Variants in AXDND1 observed in about 807,000 individuals in gnomAD.
AXDND1 encodes axonemal dynein light chain domain-containing protein 1.
In AXDND1, 110 loss-of-function variants were observed where a neutral mutation model predicts 137.5. The ratio of observed to expected loss-of-function variants is 0.80; its 90% CI spans 0.69 to 0.94. The LOEUF is 0.94. Among genes scored for constraint, AXDND1 ranks in the 40% least tolerant of loss-of-function variants. The pLI, the probability that AXDND1 is intolerant of heterozygous loss-of-function variation, is 0.00. For missense variants in AXDND1, 1,191 were observed against 1,169.8 expected (o/e 1.02, Z -0.26); for synonymous variants, 414 against 399.7 (o/e 1.04, Z -0.43).
chr1:179,448,026 T>C (rs1280956547), intron 16 of AXDND1: 4 of 1,373,010 alleles, frequency 2.9e-6, no homozygotes, highest in Non-Finnish European at 4.1e-6. Context: ...TCACTGGAAC[T>C]GTGACAGACA....
At chr1:179,402,119 C>T (rs950820779) in intron 11 of AXDND1, among the ~76,000 whole-genome samples, 1 of 150,612 alleles carries the variant, frequency 6.6e-6, no homozygotes, top group Admixed American at 6.7e-5. Flanking sequence ...TTGCAGTGAG[C>T]CGACATCATG....
At chr1:179,528,546 G>A (rs1670755626) in intron 23 of AXDND1, 115 bp downstream of exon 23, 5 of 441,388 alleles carry the variant, frequency 1.1e-5, no homozygotes, top group Non-Finnish European at 1.9e-5. Context: ...CCTAAGTCAT[G>A]TATTTTACAG....
At chr1:179,422,903 A>G (rs771424019) in intron 12 of AXDND1, among the ~76,000 whole-genome samples, 29 of 152,080 alleles carry the variant, frequency 1.9e-4, no homozygotes, top group Non-Finnish European at 3.7e-4. Flanking sequence ...AGCTGGGATT[A>G]CAGGTACCTG....
At chr1:179,463,451 A>G (rs1464342744) in intron 16 of AXDND1, among the ~76,000 whole-genome samples, 1 of 152,134 alleles carries the variant, frequency 6.6e-6, no homozygotes, top group Non-Finnish European at 1.5e-5. Context: ...CTTAATCCTG[A>G]GTTCTAGTTT....
intron 4 of AXDND1, among the ~76,000 whole-genome samples, chr1:179,375,927 T>C (rs1455019056): frequency 1.3e-5 from 2 of 152,164 alleles, no homozygotes; most frequent in African/African-American, 4.8e-5. Flanking sequence ...AAAATAGTTA[T>C]GGTCCATGTT....
At chr1:179,442,016 C>T (rs1659059154) in intron 15 of AXDND1, among the ~76,000 whole-genome samples, 1 of 152,126 alleles carries the variant, frequency 6.6e-6, no homozygotes, top group Non-Finnish European at 1.5e-5. Context: ...ACTTTTAATT[C>T]CTTTAACAAC....
chr1:179,493,213 A>G (rs1402758076), intron 20 of AXDND1, among the ~76,000 whole-genome samples: 2 of 151,844 alleles, frequency 1.3e-5, no homozygotes, highest in Non-Finnish European at 1.5e-5. Context: ...ACTAACACCA[A>G]AGATTTTTTT....
intron 25 of AXDND1, among the ~76,000 whole-genome samples, chr1:179,538,582 T>C (rs573823804): frequency 1.4e-4 from 22 of 152,346 alleles, no homozygotes; most frequent in African/African-American, 4.6e-4. Context: ...TCTGCTCTTT[T>C]ATATTTGCTG....
chr1:179,513,040 G>C lies in AXDND1; in HGVS notation c.2496+3637G>C, dbSNP rs539180421. 3.3e-5 allele frequency among the ~76,000 whole-genome samples: 5 copies of C among 152,076 alleles called. No homozygotes were observed. In the East Asian group the frequency reaches 9.6e-4, roughly 29 times the overall value. ...GTTTGACTTCCTCTTTACCAATTTG[G>C]GTGTCCTTTATTTCCTTCTCTTGTC... On this transcript the variant is annotated intron_variant, in intron 21 of 25. Coordinates refer to ENST00000367618, the MANE Select transcript of AXDND1 (RefSeq NM_144696.6).
At chr1:179,515,863 A>G (rs958721940) in intron 21 of AXDND1, among the ~76,000 whole-genome samples, 4 of 152,226 alleles carry the variant, frequency 2.6e-5, no homozygotes, top group Non-Finnish European at 5.9e-5. Flanking sequence ...CAGACTGCAG[A>G]TAAGATAGCA....
chr1:179,533,728 C>T, intron 23 of AXDND1, 67 bp from the exon 24 acceptor site: 1 of 1,241,652 alleles, frequency 8.1e-7, no homozygotes, highest in Non-Finnish European at 1.2e-6. Flanking sequence ...TCCAGAACAT[C>T]CTAAAAAAGT....
intron 22 of AXDND1, among the ~76,000 whole-genome samples, chr1:179,527,342 T>G (rs1670626121): frequency 6.6e-6 from 1 of 152,194 alleles, no homozygotes; most frequent in South Asian, 2.1e-4. Context: ...GCAACCTGTT[T>G]TATCAGCAAG....
At chr1:179,512,638 G>A (rs1669166474) in intron 21 of AXDND1, among the ~76,000 whole-genome samples, 4 of 152,094 alleles carry the variant, frequency 2.6e-5, no homozygotes, top group Non-Finnish European at 5.9e-5. Flanking sequence ...CATTGAATTT[G>A]TAGATTGCTT....
intron 16 of AXDND1, chr1:179,448,528 T>G: frequency 3.0e-6 from 1 of 330,510 alleles, no homozygotes; most frequent in Non-Finnish European, 6.0e-6. Flanking sequence ...TCGTACAGCT[T>G]CTGTTATTTC....
intron 4 of AXDND1, among the ~76,000 whole-genome samples, chr1:179,371,856 C>G (rs186550524): frequency 5.1e-4 from 77 of 152,240 alleles, no homozygotes; most frequent in Non-Finnish European, 9.7e-4. Context: ...ACAGCTCAGT[C>G]GCCAACTGTC....
At chr1:179,541,483 T>TG (rs1553309521) in intron 25 of AXDND1, among the ~76,000 whole-genome samples, 2 of 148,754 alleles carry the variant, frequency 1.3e-5, no homozygotes, top group African/African-American at 2.4e-5. Flanking sequence ...GTTTTTGTTT[T>TG]TTTTTTTTTT....
intron 15 of AXDND1, among the ~76,000 whole-genome samples, chr1:179,440,497 T>C (rs1207908172): frequency 6.6e-6 from 1 of 152,228 alleles, no homozygotes; most frequent in Non-Finnish European, 1.5e-5. Context: ...TACAGCATTC[T>C]ACAGGTGTGG....
intron 25 of AXDND1, among the ~76,000 whole-genome samples, chr1:179,539,303 G>A (rs1226547973): frequency 1.3e-5 from 2 of 152,142 alleles, no homozygotes; most frequent in African/African-American, 4.8e-5. Context: ...TTTCCAATTT[G>A]GCATGTTTTT....
chr1:179,509,430 A>G (rs1400562036), intron 21 of AXDND1, 27 bp downstream of exon 21: 3 of 1,334,310 alleles, frequency 2.2e-6, no homozygotes, highest in East Asian at 2.3e-5. Context: ...AGCGTTGGTC[A>G]TTATTCAGAT....
Sources: gnomAD v4.1 joint callset for allele counts (sites outside exome capture counted in the v4.1 genomes callset) on GRCh38, gnomAD v4.1.1 for gene constraint, MANE v1.5 for transcripts, NCBI Gene and HGNC (gene_info 2026-07-23, HGNC 2026-07-21) for gene names.